Variants in CCDC91 observed in about 807,000 individuals in gnomAD.
The protein encoded by CCDC91 is coiled-coil domain-containing protein 91.
A neutral mutation model predicts 63.2 loss-of-function variants in CCDC91; 48 were observed. The ratio of observed to expected loss-of-function variants is 0.76; its 90% CI spans 0.60 to 0.97. CCDC91 has a LOEUF of 0.97. Among genes scored for constraint, CCDC91 ranks in the 50% least tolerant of loss-of-function variants. CCDC91 has a pLI of 0.00. For missense variants in CCDC91, 500 were observed against 494.6 expected (o/e 1.01, Z -0.10); for synonymous variants, 167 against 165.8 (o/e 1.01, Z -0.06).
chr12:28,407,328 T>C (rs1363731654), intron 8 of CCDC91, among the ~76,000 whole-genome samples: 1 of 152,204 alleles, frequency 6.6e-6, no homozygotes, highest in African/African-American at 2.4e-5. Context: ...CAAAAATCAA[T>C]CGACCATATA....
At chr12:28,394,982 G>T (rs185854122) in intron 8 of CCDC91, among the ~76,000 whole-genome samples, 7 of 152,232 alleles carry the variant, frequency 4.6e-5, no homozygotes, top group Admixed American at 4.6e-4. Flanking sequence ...CATATTCTGG[G>T]TGTTTATTGG....
At chr12:28,311,253 C>T (rs1565778595) in intron 6 of CCDC91, among the ~76,000 whole-genome samples, 1 of 151,990 alleles carries the variant, frequency 6.6e-6, no homozygotes, top group South Asian at 2.1e-4. Context: ...GGAGAGGCAC[C>T]TTATTACTGT....
chr12:28,351,722 T>C (rs1943193797), intron 6 of CCDC91, among the ~76,000 whole-genome samples: 1 of 152,082 alleles, frequency 6.6e-6, no homozygotes, highest in South Asian at 2.1e-4. Context: ...AGCTTCCTAG[T>C]CTAATGAGCC....
chr12:28,381,866 T>C (rs1474907288), intron 7 of CCDC91, among the ~76,000 whole-genome samples: 2 of 152,148 alleles, frequency 1.3e-5, no homozygotes, highest in Non-Finnish European at 2.9e-5. Flanking sequence ...CCTCTGAGGC[T>C]TCTTCTCAAC....
intron 8 of CCDC91, among the ~76,000 whole-genome samples, chr12:28,397,189 A>G (rs1207477451): frequency 6.6e-6 from 1 of 152,200 alleles, no homozygotes; most frequent in East Asian, 1.9e-4. Context: ...CAAAGTTTGC[A>G]GAATAAACAA....
intron 6 of CCDC91, among the ~76,000 whole-genome samples, chr12:28,332,704 A>T (rs1387355262): frequency 6.6e-6 from 1 of 152,152 alleles, no homozygotes; most frequent in Non-Finnish European, 1.5e-5. Flanking sequence ...GTAGCTCCTC[A>T]GTTGTTTTCC....
chr12:28,441,652 T>C (rs370266670), intron 8 of CCDC91, among the ~76,000 whole-genome samples: 1 of 147,584 alleles, frequency 6.8e-6, no homozygotes, highest in East Asian at 1.9e-4. Flanking sequence ...CTCTCTCATA[T>C]GTGTATATAT....
intron 12 of CCDC91, among the ~76,000 whole-genome samples, chr12:28,516,780 A>G (rs1592924437): frequency 6.6e-6 from 1 of 151,474 alleles, no homozygotes; most frequent in Admixed American, 6.6e-5. Flanking sequence ...TTTATAAGGA[A>G]CCCCCCTGAC....
At chr12:28,305,108 G>C (rs1032910880) in intron 3 of CCDC91, among the ~76,000 whole-genome samples, 2 of 152,078 alleles carry the variant, frequency 1.3e-5, no homozygotes, top group Non-Finnish European at 2.9e-5. Flanking sequence ...TTGTTTCAAA[G>C]TAATTGTTCT....
At chr12:28,530,526 A>G (rs1941645091) in intron 12 of CCDC91, among the ~76,000 whole-genome samples, 1 of 152,178 alleles carries the variant, frequency 6.6e-6, no homozygotes. Flanking sequence ...TAATTATTTT[A>G]TACCATTGAG....
intron 11 of CCDC91, among the ~76,000 whole-genome samples, chr12:28,474,626 G>A (rs960686990): frequency 6.6e-5 from 10 of 151,960 alleles, no homozygotes; most frequent in South Asian, 4.1e-4. Flanking sequence ...AAGATAGGGG[G>A]ACTAAAAATA....
chr12:28,330,138 G>A lies in CCDC91; in HGVS notation c.576+22389G>A, dbSNP rs114132382. Among the ~76,000 whole-genome samples, 159 of 152,198 alleles carry A rather than the reference G, an allele frequency of 1.0e-3. 1 individual carries two copies. The highest frequency in any genetic ancestry group is 3.8e-3 in the African/African-American group (156 of 41,546). On this transcript the variant is annotated intron_variant, in intron 6 of 12. Transcript: ENST00000536442. ...TCCATTGGGTCTATACCCAGTAATGGGATAGCTGGGTCAAATGCTATTTCT... is the reference window on the plus strand; with the variant it reads ...TCCATTGGGTCTATACCCAGTAATGAGATAGCTGGGTCAAATGCTATTTCT...
chr12:28,214,678 TGCTTTACA>T (rs1943453155), intron 1 of CCDC91, among the ~76,000 whole-genome samples: 1 of 152,200 alleles, frequency 6.6e-6, no homozygotes, highest in African/African-American at 2.4e-5. Flanking sequence ...AAGTATTGTT[TGCTTTACA>T]TCATAGTGTT....
intron 8 of CCDC91, among the ~76,000 whole-genome samples, chr12:28,431,102 A>G (rs1472528850): frequency 1.3e-5 from 2 of 152,200 alleles, no homozygotes; most frequent in Non-Finnish European, 2.9e-5. Flanking sequence ...AGAATTATAT[A>G]TCACACACAC....
rs548625159 is a variant in CCDC91, at chr12:28,346,401, G to A, written c.577-16037G>A. On this transcript the variant is annotated intron_variant, in intron 6 of 12. Coordinates refer to ENST00000536442, the MANE Select transcript of CCDC91 (RefSeq NM_018318.5). The stretch of plus-strand genomic sequence containing the variant: ...TCTTGTAAGCCAAGTACTACTCTAA[G>A]CATTAAGCTATGTTATGATTTAGTT... 2.6e-5 allele frequency among the ~76,000 whole-genome samples: 4 copies of A among 152,204 alleles called. No homozygotes were observed. The South Asian group carries it at 6.2e-4, about 24-fold the overall frequency.
At chr12:28,221,970 C>G (rs1188723930) in intron 1 of CCDC91, among the ~76,000 whole-genome samples, 4 of 152,286 alleles carry the variant, frequency 2.6e-5, no homozygotes, top group African/African-American at 9.6e-5. Context: ...CCACCATACT[C>G]TTTGGCCTGG....
chr12:28,395,580 G>T (rs941979754), intron 8 of CCDC91, among the ~76,000 whole-genome samples: 23 of 152,268 alleles, frequency 1.5e-4, no homozygotes, highest in African/African-American at 4.3e-4. Context: ...CTCAGGAATG[G>T]ACAGATGGAA....
At chr12:28,297,816 T>C (rs76792030) in intron 3 of CCDC91, among the ~76,000 whole-genome samples, 2 of 151,938 alleles carry the variant, frequency 1.3e-5, no homozygotes, top group Middle Eastern at 3.4e-3. Context: ...TGAGAAGATA[T>C]TTATATTTTA....
intron 7 of CCDC91, among the ~76,000 whole-genome samples, chr12:28,387,787 G>A (rs1486690093): frequency 6.6e-6 from 1 of 152,104 alleles, no homozygotes; most frequent in Non-Finnish European, 1.5e-5. Context: ...TCCACTCGTT[G>A]ATTGATGGGC....
Sources: allele counts gnomAD v4.1 joint callset (sites outside exome capture counted in the v4.1 genomes callset), GRCh38; gene constraint gnomAD v4.1.1; transcripts MANE v1.5; gene names NCBI Gene and HGNC (gene_info 2026-07-23, HGNC 2026-07-21).